The following DACH1 variants were observed in gnomAD, a reference collection of about 807,000 sequenced individuals.
DACH1 encodes the protein dachshund family transcription factor 1.
Under a neutral mutation model 54.2 loss-of-function variants are expected in DACH1, and 12 were observed. That is an observed-to-expected ratio of 0.22 (90% CI 0.14 to 0.36). The LOEUF (loss-of-function observed/expected upper bound fraction) is 0.36, where lower values mean the gene tolerates loss of function less well. DACH1 is among the 10% of genes least tolerant of loss of function. The pLI is 1.00. For missense variants in DACH1, 805 were observed against 929.8 expected, an observed-to-expected ratio of 0.87 and a Z score of 1.75; for synonymous variants, 386 against 366.2, an observed-to-expected ratio of 1.05 and a Z score of -0.62.
In DACH1 at chr13:71,526,085, G is replaced by C. The variant is rs73521238; in HGVS notation, c.1570+30939C>G. On this transcript the variant is annotated intron_variant, in intron 6 of 10. Transcript: ENST00000613252. ...TTATACAATCTGTGTCACATTTATT[G>C]CAAGAAAAGAATTTAGATTTTTCTA... Among the ~76,000 whole-genome samples, 1,058 of 152,166 alleles carry C rather than the reference G, an allele frequency of 7.0e-3. 13 individuals are homozygous for C. Among genetic ancestry groups the C allele is most frequent in the African/African-American group, 0.024 (999 of 41,528 alleles).
chr13:71,703,570 A>G (rs1189598420), intron 1 of DACH1, among the ~76,000 whole-genome samples: 2 of 152,238 alleles, frequency 1.3e-5, no homozygotes, highest in East Asian at 3.8e-4. Flanking sequence ...TAAATAACAT[A>G]ATTATTTTTT....
intron 1 of DACH1, among the ~76,000 whole-genome samples, chr13:71,708,431 T>A (rs938353015): frequency 6.6e-6 from 1 of 152,160 alleles, no homozygotes; most frequent in Non-Finnish European, 1.5e-5. Context: ...TTTTTTCAAA[T>A]ACAGATCTGG....
At chr13:71,807,417 T>G (rs897296927) in intron 1 of DACH1, among the ~76,000 whole-genome samples, 13 of 44,902 alleles carry the variant, frequency 2.9e-4, no homozygotes, top group Admixed American at 1.8e-3. Flanking sequence ...TATCACAGAT[T>G]GCAAAAAAAA....
intron 10 of DACH1, chr13:71,464,482 A>C: frequency 3.0e-6 from 1 of 332,698 alleles, no homozygotes; most frequent in Non-Finnish European, 5.8e-6. Flanking sequence ...ATTTTAATGA[A>C]GATGAGAAGT....
At chr13:71,703,131 A>T (rs1245734768) in intron 1 of DACH1, among the ~76,000 whole-genome samples, 1 of 152,230 alleles carries the variant, frequency 6.6e-6, no homozygotes, top group African/African-American at 2.4e-5. Flanking sequence ...TCAAAAGATA[A>T]TGGGCATTTA....
chr13:71,647,839 C>T (rs1468745722), intron 2 of DACH1, among the ~76,000 whole-genome samples: 2 of 152,212 alleles, frequency 1.3e-5, no homozygotes, highest in Admixed American at 1.3e-4. Flanking sequence ...AGCCCACTTA[C>T]TTTGCTATTT....
At chr13:71,784,703 A>C (rs955999432) in intron 1 of DACH1, among the ~76,000 whole-genome samples, 2 of 152,152 alleles carry the variant, frequency 1.3e-5, no homozygotes, top group African/African-American at 4.8e-5. Context: ...TTAGCCAAGA[A>C]AAGTTTTGTC....
intron 1 of DACH1, among the ~76,000 whole-genome samples, chr13:71,758,443 A>G (rs1885258357): frequency 6.6e-6 from 1 of 152,234 alleles, no homozygotes; most frequent in African/African-American, 2.4e-5. Flanking sequence ...TGTTTTATAC[A>G]TATAAAAGGT....
At chr13:71,462,419 C>A (rs1367440439) in intron 10 of DACH1, among the ~76,000 whole-genome samples, 1 of 151,498 alleles carries the variant, frequency 6.6e-6, no homozygotes, top group Non-Finnish European at 1.5e-5. Context: ...AAATTCACAC[C>A]ATGTCATGAA....
chr13:71,682,958 C>A (rs1014538248), intron 1 of DACH1, among the ~76,000 whole-genome samples: 1 of 152,090 alleles, frequency 6.6e-6, no homozygotes, highest in Non-Finnish European at 1.5e-5. Flanking sequence ...ATTTATTTGG[C>A]CAAAACGTGC....
intron 7 of DACH1, among the ~76,000 whole-genome samples, chr13:71,483,247 C>CAT (rs1339667209): frequency 6.6e-6 from 1 of 151,004 alleles, no homozygotes; most frequent in African/African-American, 2.4e-5. Context: ...AAAATAAAAA[C>CAT]ATATAATGTA....
intron 1 of DACH1, among the ~76,000 whole-genome samples, chr13:71,840,226 G>A (rs1888963228): frequency 1.3e-5 from 2 of 152,142 alleles, no homozygotes; most frequent in South Asian, 4.1e-4. Flanking sequence ...GGGATTACAG[G>A]CATGAGCCAC....
chr13:71,533,701 C>G (rs1882568021), intron 6 of DACH1, among the ~76,000 whole-genome samples: 2 of 151,674 alleles, frequency 1.3e-5, no homozygotes, highest in Non-Finnish European at 2.9e-5. Context: ...TTCTCTTTGT[C>G]TCTGTCTCTC....
intron 4 of DACH1, among the ~76,000 whole-genome samples, chr13:71,564,956 C>G (rs925474135): frequency 6.6e-6 from 1 of 152,000 alleles, no homozygotes; most frequent in African/African-American, 2.4e-5. Context: ...GGGTCTTGCT[C>G]TGTCACCCAG....
At chr13:71,539,263 T>C (rs1427186513) in intron 6 of DACH1, among the ~76,000 whole-genome samples, 1 of 152,070 alleles carries the variant, frequency 6.6e-6, no homozygotes, top group African/African-American at 2.4e-5. Context: ...CTATGGCCCG[T>C]AGTGATATTC....
intron 1 of DACH1, among the ~76,000 whole-genome samples, chr13:71,822,098 A>C (rs543964428): frequency 6.6e-6 from 1 of 152,224 alleles, no homozygotes; most frequent in East Asian, 1.9e-4. Flanking sequence ...GAAACCAGCA[A>C]AATTATATAT....
chr13:71,463,549 G>A (rs1876290425), intron 10 of DACH1, among the ~76,000 whole-genome samples: 1 of 151,874 alleles, frequency 6.6e-6, no homozygotes, highest in Non-Finnish European at 1.5e-5. Flanking sequence ...CACGTAGGAA[G>A]CAAGGCGTAT....
chr13:71,671,630 T>A (rs1430616855), intron 2 of DACH1, among the ~76,000 whole-genome samples: 1 of 152,044 alleles, frequency 6.6e-6, no homozygotes, highest in Admixed American at 6.5e-5. Flanking sequence ...CAACAGTAAT[T>A]CTAAAGTGGG....
chr13:71,746,297 C>G (rs1884601158), intron 1 of DACH1, among the ~76,000 whole-genome samples: 1 of 151,998 alleles, frequency 6.6e-6, no homozygotes, highest in Non-Finnish European at 1.5e-5. Context: ...AGAGGAAACC[C>G]ATAGATAGGA....
Sources: allele counts gnomAD v4.1 joint callset (sites outside exome capture counted in the v4.1 genomes callset), GRCh38; gene constraint gnomAD v4.1.1; transcripts MANE v1.5; gene names NCBI Gene and HGNC (gene_info 2026-07-23, HGNC 2026-07-21).